PTPRB: variants seen among roughly 807,000 people sequenced by gnomAD.
PTPRB encodes receptor-type tyrosine-protein phosphatase beta.
Under a neutral mutation model 238.1 loss-of-function variants are expected in PTPRB, and 97 were observed. The ratio of observed to expected loss-of-function variants is 0.41; its 90% CI spans 0.35 to 0.48. The LOEUF is 0.48. Among genes scored for constraint, PTPRB ranks in the 20% least tolerant of loss-of-function variants. The pLI is 0.30. For missense variants in PTPRB, 2,292 were observed against 2,681.9 expected (o/e 0.85, Z 3.21); for synonymous variants, 970 against 995.4 (o/e 0.97, Z 0.48).
intron 4 of PTPRB, among the ~76,000 whole-genome samples, chr12:70,597,602 A>T (rs79635051): frequency 0.011 from 1,608 of 152,236 alleles, 30 homozygotes; most frequent in African/African-American, 0.036. Context: ...AGAAAGTGGG[A>T]TCAAGATATT....
chr12:70,549,359 A>C (rs2136288218), intron 21 of PTPRB, among the ~76,000 whole-genome samples: 1 of 152,276 alleles, frequency 6.6e-6, no homozygotes, highest in South Asian at 2.1e-4. Flanking sequence ...CTGCTCTTCT[A>C]TTTAGAATAA....
chr12:70,568,876 T>A (rs11178299), intron 14 of PTPRB, among the ~76,000 whole-genome samples: 35,288 of 152,058 alleles, frequency 0.23, 4,809 homozygotes, highest in African/African-American at 0.38. Context: ...TCTGAACTGT[T>A]CTTTCCTCAT....
intron 3 of PTPRB, among the ~76,000 whole-genome samples, chr12:70,618,168 C>G (rs1884764109): frequency 6.6e-6 from 1 of 152,234 alleles, no homozygotes; most frequent in African/African-American, 2.4e-5. Flanking sequence ...GGCATGATCA[C>G]AGCTCACTGC....
Position 70,576,411 on chromosome 12 carries a change from T to G in PTPRB, c.2813A>C (p.Glu938Ala), listed in dbSNP as rs755873140. 3.7e-6 allele frequency: 6 copies of G among 1,611,648 alleles called. No homozygotes were observed. The highest frequency in any genetic ancestry group is 5.1e-6 in the Non-Finnish European group (6 of 1,179,146). ...VTITTRSGKYENHSFSQERTV... is the reference protein window; with the variant it reads ...VTITTRSGKYANHSFSQERTV... ...CCGCTCTTGGCTGAAGGAGTGATTTTCATACTTGCCACTCCTTGTAGTTAT... is the reference window on the plus strand; with the variant it reads ...CCGCTCTTGGCTGAAGGAGTGATTTGCATACTTGCCACTCCTTGTAGTTAT... The change falls in exon 11 of 34, where the codon GAA (glutamate) becomes GCA (alanine). Residue 938 changes from glutamate (E) to alanine (A), a missense_variant. Transcript: ENST00000334414.
chr12:70,529,129 G>A (rs1468438662), intron 32 of PTPRB, among the ~76,000 whole-genome samples: 1 of 152,146 alleles, frequency 6.6e-6, no homozygotes, highest in African/African-American at 2.4e-5. Context: ...CAAACATTAA[G>A]AAGGCAAGCT....
At position 70,622,444 on chromosome 12, in the gene PTPRB, T is replaced by C. The variant is rs1884982755; in HGVS notation, c.654A>G (p.Thr218=). Residue 218 remains threonine, a synonymous_variant, in exon 3 of 34, where the codon ACA becomes ACG. Transcript: ENST00000334414. ...TAGTCGACAAAACCCATGATGTGTCTGTAATTCCAGTCATGTGCAGATTGG... is the reference window on the plus strand; with the variant it reads ...TAGTCGACAAAACCCATGATGTGTCCGTAATTCCAGTCATGTGCAGATTGG... ...QHPNLHMTGI[T]DTSWVLSTTQ... 1 of 1,613,060 alleles carries C rather than the reference T, an allele frequency of 6.2e-7. No homozygotes were observed. The highest frequency in any genetic ancestry group is 8.5e-7 in the Non-Finnish European group (1 of 1,179,670).
chr12:70,558,978 C>T (rs1416866466), intron 18 of PTPRB: 2 of 351,824 alleles, frequency 5.7e-6, no homozygotes, highest in Non-Finnish European at 1.0e-5. Context: ...CCTGGTAAAT[C>T]TCTTGCTTTA....
chr12:70,615,596 G>T (rs187527621), intron 3 of PTPRB, among the ~76,000 whole-genome samples: 2 of 152,174 alleles, frequency 1.3e-5, no homozygotes, highest in Admixed American at 6.5e-5. Context: ...AGATGTGAGT[G>T]CAAGTGAGCC....
Position 70,603,234 on chromosome 12 carries a change from C to A in PTPRB, c.979+5835G>T, listed in dbSNP as rs78012494. 6.7e-3 allele frequency among the ~76,000 whole-genome samples: 1,012 copies of A among 152,152 alleles called. 15 individuals carry two copies. Among genetic ancestry groups the A allele is most frequent in the African/African-American group, 0.023 (948 of 41,486 alleles). ...GGTAGCTCAGCTTGACCTTAAAATT[C>A]CTGAAATAAATGAACTGTAAATGGC... On this transcript the variant is annotated intron_variant, in intron 4 of 33. Coordinates refer to ENST00000334414, the MANE Select transcript of PTPRB (RefSeq NM_001109754.4).
intron 3 of PTPRB, among the ~76,000 whole-genome samples, chr12:70,620,516 T>C (rs972997279): frequency 6.6e-6 from 1 of 152,120 alleles, no homozygotes; most frequent in African/African-American, 2.4e-5. Flanking sequence ...ACACACTTAA[T>C]TTTTTTTCTC....
chr12:70,535,987 A>C (rs1042018388), intron 29 of PTPRB, 38 bp downstream of exon 29: 4 of 1,607,136 alleles, frequency 2.5e-6, no homozygotes, highest in African/African-American at 2.7e-5. Flanking sequence ...CAGGTGGCAG[A>C]AAGCAAAGCT....
intron 20 of PTPRB, among the ~76,000 whole-genome samples, 158 bp from the exon 21 acceptor site, chr12:70,553,178 C>T (rs1052464768): frequency 6.6e-6 from 1 of 152,196 alleles, no homozygotes; most frequent in African/African-American, 2.4e-5. Flanking sequence ...TGAAATTCTC[C>T]TAATAAAGTT....
chr12:70,527,566 T>C (rs1441463687), intron 32 of PTPRB: 1 of 152,184 alleles, frequency 6.6e-6, no homozygotes, highest in Non-Finnish European at 1.5e-5. Context: ...TTTAACAGGT[T>C]ATTGCTCCCT....
intron 14 of PTPRB, among the ~76,000 whole-genome samples, chr12:70,568,633 T>A (rs1879627151): frequency 6.6e-6 from 1 of 151,922 alleles, no homozygotes; most frequent in African/African-American, 2.4e-5. Context: ...TGTCATAGGG[T>A]TAAAGATATG....
At chr12:70,597,357 T>C (rs916307428) in intron 4 of PTPRB, among the ~76,000 whole-genome samples, 1 of 152,188 alleles carries the variant, frequency 6.6e-6, no homozygotes, top group Admixed American at 6.5e-5. Context: ...AAGGATCAGT[T>C]TGAGAAGTCC....
Position 70,594,571 on chromosome 12 carries a change from G to C in PTPRB, c.1412C>G (p.Thr471Ser). The C allele has an allele frequency of 6.2e-7, 1 of 1,613,986 alleles. No homozygotes were observed. Among genetic ancestry groups the C allele is most frequent in the Non-Finnish European group, 8.5e-7 (1 of 1,179,890 alleles). The stretch of plus-strand genomic sequence containing the variant: ...GGTCAGCCCGTGAAAAGCATAGGAA[G>C]TAGCATGTTTGTCCACAACACCGCC... The part of the protein sequence containing the change: ...VHGGVVDKHA[T>S]SYAFHGLTPG... Residue 471 changes from threonine (T) to serine (S), a missense_variant, in exon 6 of 34, where the codon ACT becomes AGT. Physicochemically the swap from Thr to Ser is moderately conservative, Grantham distance 58. Coordinates refer to ENST00000334414, the MANE Select transcript of PTPRB (RefSeq NM_001109754.4).
chr12:70,628,038 C>A (rs528046372), intron 2 of PTPRB, among the ~76,000 whole-genome samples: 39 of 152,266 alleles, frequency 2.6e-4, no homozygotes, highest in African/African-American at 9.1e-4. Context: ...ATTACTTTAA[C>A]CAGCAGTTAA....
At chr12:70,621,487 A>G (rs573996827) in intron 3 of PTPRB, among the ~76,000 whole-genome samples, 1 of 152,328 alleles carries the variant, frequency 6.6e-6, no homozygotes, top group Admixed American at 6.5e-5. Context: ...AGGTCACAGG[A>G]AAGATTTATA....
intron 11 of PTPRB, among the ~76,000 whole-genome samples, chr12:70,572,937 C>T (rs1032854904): frequency 4.6e-5 from 7 of 151,810 alleles, no homozygotes; most frequent in African/African-American, 7.3e-5. Context: ...ATTTGACTGG[C>T]AAAATTAAAA....
Sources: allele counts gnomAD v4.1 joint callset (sites outside exome capture counted in the v4.1 genomes callset), GRCh38; gene constraint gnomAD v4.1.1; transcripts MANE v1.5; gene names NCBI Gene and HGNC (gene_info 2026-07-23, HGNC 2026-07-21).